The following L3MBTL1 variants were observed in gnomAD, a reference collection of about 807,000 sequenced individuals.
L3MBTL1 encodes lethal(3)malignant brain tumor-like protein 1.
In L3MBTL1, 75 loss-of-function variants were observed where a neutral mutation model predicts 105.3. The ratio of observed to expected loss-of-function variants is 0.71; its 90% confidence interval spans 0.59 to 0.86. The LOEUF is 0.86. L3MBTL1 is among the 40% of genes least tolerant of loss of function. The pLI is 0.00. For missense variants in L3MBTL1, 1,069 were observed against 1,126.4 expected (o/e 0.95, Z 0.73); for synonymous variants, 452 against 436.2 (o/e 1.04, Z -0.45).
At position 43,541,815 on chromosome 20, in the gene L3MBTL1, G is replaced by A. The variant is rs2019928426; in HGVS notation, c.*687G>A. The A allele has an allele frequency of 9.1e-6, 9 of 984,346 alleles. No homozygotes were observed. The highest frequency in any genetic ancestry group is 1.1e-5 in the Non-Finnish European group (9 of 828,902). The allele number at this position is 984,346 out of a possible 1,614,324, so 61.0% of individuals were successfully genotyped here. On this transcript the variant is annotated 3_prime_UTR_variant, in exon 22 of 22. Coordinates refer to ENST00000418998, the MANE Select transcript of L3MBTL1 (RefSeq NM_001377303.1). The stretch of plus-strand genomic sequence containing the variant: ...GTATATAATAGAGCAATATTATGGA[G>A]GAATATGTAGATCCAATCACTTTAC...
chr20:43,530,153 G>A, intron 9 of L3MBTL1, 131 bp from the exon 10 acceptor site: 1 of 1,091,578 alleles, frequency 9.2e-7, no homozygotes, highest in Non-Finnish European at 1.4e-6. Flanking sequence ...TGGGAGGAAA[G>A]AAAGGTGGGG....
chr20:43,537,878 C>A (rs890817957), intron 19 of L3MBTL1, among the ~76,000 whole-genome samples: 1 of 152,156 alleles, frequency 6.6e-6, no homozygotes, highest in Non-Finnish European at 1.5e-5. Flanking sequence ...GTCAGACTAC[C>A]TTTTACAGGC....
chr20:43,514,370 G>A lies in L3MBTL1; in HGVS notation c.361-265G>A, dbSNP rs532363360. 215 of 1,353,832 alleles carry A rather than the reference G, an allele frequency of 1.6e-4. No homozygotes were observed. The African/African-American group carries it at 2.9e-3, about 19-fold the overall frequency. 83.9% of individuals were successfully genotyped at this position (1,353,832 alleles called of 1,614,324 possible). On this transcript the variant is annotated intron_variant, in intron 3 of 21. Coordinates refer to ENST00000418998, the MANE Select transcript of L3MBTL1 (RefSeq NM_001377303.1). The stretch of plus-strand genomic sequence containing the variant: ...AGTTTGGGGGCGTGGCTTAGAGTGG[G>A]GTACCGTGGGACTGGGCCTGTGGGA...
At chr20:43,545,911 C>T (rs745746551), downstream of L3MBTL1, among the ~76,000 whole-genome samples, 2 of 152,210 alleles carry the variant, frequency 1.3e-5, no homozygotes, top group Non-Finnish European at 2.9e-5. Flanking sequence ...CTCCGTTTAA[C>T]CTCTAAGGTT....
At chr20:43,548,341 C>T in exon 19 of L3MBTL1, 1 of 1,086,312 alleles carries the variant, frequency 9.2e-7, no homozygotes, top group Non-Finnish European at 1.2e-6. Flanking sequence ...CCCACACGTC[C>T]CCATGCTCCA....
chr20:43,537,451 A>G lies in L3MBTL1; in HGVS notation c.2173+993A>G, dbSNP rs188560370. On this transcript the variant is annotated intron_variant, in intron 19 of 21. Coordinates refer to ENST00000418998, the MANE Select transcript of L3MBTL1 (RefSeq NM_001377303.1). ...CCAAAGTGTCTCTTCTTGTAAGGATACCAATTGAATTGGATTAGGGCCCAT... is the reference window on the plus strand; with the variant it reads ...CCAAAGTGTCTCTTCTTGTAAGGATGCCAATTGAATTGGATTAGGGCCCAT... 7.2e-5 allele frequency among the ~76,000 whole-genome samples: 11 copies of G among 152,138 alleles called. No individual in the cohort carries two copies. In the East Asian group the frequency reaches 2.1e-3, roughly 29 times the overall value.
At chr20:43,532,994 A>C in intron 12 of L3MBTL1, 70 bp downstream of exon 12, 46 of 1,509,144 alleles carry the variant, frequency 3.0e-5, no homozygotes, top group Non-Finnish European at 3.7e-5. Context: ...TTCATATCTC[A>C]GGTACCATGT....
chr20:43,519,881 T>G (rs546030378), intron 7 of L3MBTL1, among the ~76,000 whole-genome samples: 1 of 152,298 alleles, frequency 6.6e-6, no homozygotes, highest in South Asian at 2.1e-4. Context: ...TTTTAATGAT[T>G]AGTGCTTTTT....
chr20:43,509,380 A>T (rs1305211918), intron 1 of L3MBTL1, among the ~76,000 whole-genome samples: 1 of 152,028 alleles, frequency 6.6e-6, no homozygotes, highest in Non-Finnish European at 1.5e-5. Flanking sequence ...GTGCACCACC[A>T]TGTTCAGCTA....
Position 43,535,874 on chromosome 20 carries a change from T to C in L3MBTL1, c.1863T>C (p.Cys621=). The change falls in exon 17 of 22, where the codon TGT becomes TGC. Residue 621 remains cysteine (C), a synonymous_variant. Coordinates refer to ENST00000418998, the MANE Select transcript of L3MBTL1 (RefSeq NM_001377303.1). ...REPSSASPGG[C]PPLSYRSLPH... ...CCAGCTCTGCCTCCCCTGGGGGCTGTCCCCCTCTCAGCTATAGGAGCCTGC... is the reference window on the plus strand; with the variant it reads ...CCAGCTCTGCCTCCCCTGGGGGCTGCCCCCCTCTCAGCTATAGGAGCCTGC... The C allele has an allele frequency of 1.2e-6, 2 of 1,611,782 alleles. No individual in the cohort carries two copies. The highest frequency in any genetic ancestry group is 8.5e-7 in the Non-Finnish European group (1 of 1,178,990).
intron 7 of L3MBTL1, among the ~76,000 whole-genome samples, chr20:43,522,297 G>C (rs560136718): frequency 1.1e-4 from 16 of 152,152 alleles, no homozygotes; most frequent in Admixed American, 7.9e-4. Context: ...GGAGGTTGCA[G>C]TGAGCTGAGA....
chr20:43,530,430 G>C lies in L3MBTL1; in HGVS notation c.1192+11G>C, dbSNP rs1329898897. ...TGCAGCCTCCCAAAGGTAAGGCCTA[G>C]CTGGGTTGGTCACAGTGAGGCAGTG... On this transcript the variant is annotated intron_variant, in intron 10 of 21. Transcript: ENST00000418998. 6.2e-7 allele frequency: 1 copy of C among 1,613,286 alleles called. No individual in the cohort carries two copies. The highest frequency in any genetic ancestry group is 8.5e-7 in the Non-Finnish European group (1 of 1,179,656).
chr20:43,539,443 C>G (rs558556853), intron 19 of L3MBTL1: 1 of 154,394 alleles, frequency 6.5e-6, no homozygotes. Context: ...TGAGCAGCAT[C>G]GGTCATCAGC....
rs113249214 is a variant in L3MBTL1 at position 43,517,868 on chromosome 20, T to C, written c.862+1691T>C. Among the ~76,000 whole-genome samples the C allele has an allele frequency of 3.4e-3, 521 of 152,352 alleles. 10 individuals are homozygous for C. The highest frequency in any genetic ancestry group is 0.03 in the East Asian group (156 of 5,192). ...TTTTTATAGTGCTTCTTCCAACTTC[T>C]GCCCATTGTAGCTAAACCAGAACTT... On this transcript the variant is annotated intron_variant, in intron 7 of 21. Coordinates refer to ENST00000418998, the MANE Select transcript of L3MBTL1 (RefSeq NM_001377303.1).
chr20:43,525,600 C>T (rs1406153041), intron 7 of L3MBTL1, among the ~76,000 whole-genome samples: 1 of 152,114 alleles, frequency 6.6e-6, no homozygotes. Flanking sequence ...AGGGATATGC[C>T]TAAGAGCTCA....
rs996195146 is a variant in L3MBTL1 at position 43,513,916 on chromosome 20, C to T, written c.215C>T (p.Ala72Val). 7.7e-6 allele frequency: 12 copies of T among 1,550,370 alleles called. No individual in the cohort carries two copies. The highest frequency in any genetic ancestry group is 1.0e-5 in the Non-Finnish European group (12 of 1,146,998). The change falls in exon 3 of 22, where the codon GCC becomes GTC. Residue 72 changes from alanine (A) to valine (V), a missense_variant. Transcript: ENST00000418998. ...CCCCGGGAGCCAATCCATGTGGGTG[C>T]CCCGGAGCAAGTGGCCGGCTGCGAA... The part of the protein sequence containing the change: ...CFPREPIHVG[A>V]PEQVAGCEPV...
intron 19 of L3MBTL1, 57 bp downstream of exon 19, chr20:43,536,515 C>T (rs934251703): frequency 3.8e-6 from 6 of 1,579,996 alleles, no homozygotes; most frequent in Non-Finnish European, 5.2e-6. Context: ...ACAGCGAGTG[C>T]TCTGTCATTG....
chr20:43,536,361 G>A (rs769911508), intron 18 of L3MBTL1, 48 bp from the exon 19 acceptor site: 1 of 1,613,258 alleles, frequency 6.2e-7, no homozygotes, highest in African/African-American at 1.3e-5. Flanking sequence ...CTCTTGGACT[G>A]GGCCAGACAC....
intron 2 of L3MBTL1, 33 bp downstream of exon 2, chr20:43,513,672 A>G: frequency 6.4e-7 from 1 of 1,550,486 alleles, no homozygotes; most frequent in Non-Finnish European, 8.7e-7. Flanking sequence ...TCTGGGAAGG[A>G]AGAGCATCTC....
Sources: allele counts gnomAD v4.1 joint callset (sites outside exome capture counted in the v4.1 genomes callset), GRCh38; gene constraint gnomAD v4.1.1; transcripts MANE v1.5; gene names NCBI Gene and HGNC (gene_info 2026-07-23, HGNC 2026-07-21).